PCLO: variants seen among roughly 807,000 people sequenced by gnomAD.
PCLO encodes the protein protein piccolo.
A neutral mutation model predicts 427.5 loss-of-function variants in PCLO; 82 were observed. The observed-to-expected ratio is 0.19, with a 90% CI of 0.16 to 0.23. The LOEUF (loss-of-function observed/expected upper bound fraction) is 0.23, where lower values mean the gene tolerates loss of function less well. PCLO is among the 10% of genes least tolerant of loss of function. The probability of loss-of-function intolerance (pLI) is 1.00; values close to 1 mark genes in which losing one functional copy is unlikely to be tolerated. For synonymous variants in PCLO, 2,357 were observed against 2,155.4 expected, an observed-to-expected ratio of 1.09 and a Z score of -2.59; for missense variants, 6,239 against 6,115.9, an observed-to-expected ratio of 1.02 and a Z score of -0.67.
chr7:83,114,804 T>C (rs1791091988), intron 3 of PCLO, among the ~76,000 whole-genome samples: 1 of 152,082 alleles, frequency 6.6e-6, no homozygotes, highest in Non-Finnish European at 1.5e-5. Flanking sequence ...TCCTGATAAG[T>C]GAGCAAGGTT....
intron 3 of PCLO, among the ~76,000 whole-genome samples, chr7:83,068,836 C>T (rs1789735992): frequency 6.6e-6 from 1 of 152,086 alleles, no homozygotes; most frequent in South Asian, 2.1e-4. Flanking sequence ...ATGTTCATTG[C>T]AGCATTATTC....
intron 3 of PCLO, among the ~76,000 whole-genome samples, chr7:83,027,434 T>A (rs967305542): frequency 5.9e-5 from 9 of 151,844 alleles, no homozygotes; most frequent in Non-Finnish European, 1.0e-4. Flanking sequence ...AATAGACCAA[T>A]AACAGGATCT....
rs1367619990 is a variant in PCLO at position 83,155,688 on chromosome 7, T to C, written c.953A>G (p.Gln318Arg). 6.2e-7 allele frequency: 1 copy of C among 1,614,002 alleles called. No individual in the cohort carries two copies. Among genetic ancestry groups the C allele is most frequent in the Non-Finnish European group, 8.5e-7 (1 of 1,179,884 alleles). The stretch of plus-strand genomic sequence containing the variant: ...AGGCTGTGATTTTTCATGTCCAGGC[T>C]GCTGTGCTGGAGGTTTTCCAGGAGT... The part of the protein sequence containing the change: ...QPTPGKPPAQ[Q>R]PGHEKSQPGP... The change falls in exon 2 of 25, where the codon CAG becomes CGG. Residue 318 changes from glutamine (Q) to arginine (R), a missense_variant. Transcript: ENST00000333891.
In PCLO at chr7:82,953,206, T is replaced by G; in HGVS notation, c.7747A>C (p.Ile2583Leu). 6.2e-7 allele frequency: 1 copy of G among 1,613,922 alleles called. No homozygotes were observed. Among genetic ancestry groups the G allele is most frequent in the Non-Finnish European group, 8.5e-7 (1 of 1,179,858 alleles). The change falls in exon 5 of 25, where the codon ATT becomes CTT. Residue 2583 changes from isoleucine (I) to leucine (L), a missense_variant. This residue lies in a region of PCLO where 4,677 missense variants were observed against 4,468.4 expected (regional missense o/e 1.05). Transcript: ENST00000333891. ...GTCCCTGGTTCAGATGGCAATGTAA[T>G]AACTACATAAGTTTCTGTGAGGGAT... ...SKSLTETYVV[I>L]TLPSEPGTPT...
intron 10 of PCLO, among the ~76,000 whole-genome samples, chr7:82,874,634 G>A (rs142650332): frequency 6.6e-6 from 1 of 152,166 alleles, no homozygotes; most frequent in African/African-American, 2.4e-5. Flanking sequence ...ACAGTCAAGA[G>A]AAAATACAGT....
rs961432073 is a variant in PCLO at position 82,984,753 on chromosome 7, T to C, written c.3301-18266A>G. ...TATAACACAGTCATGCCTCTATCCC[T>C]GGGAAAACTTGTCTTTTATTAAGGC... is the stretch of plus-strand genomic sequence containing the variant. On this transcript the variant is annotated intron_variant, in intron 3 of 24. Transcript: ENST00000333891. Among the ~76,000 whole-genome samples, 4 of 152,018 alleles carry C rather than the reference T, an allele frequency of 2.6e-5. No individual in the cohort carries two copies. In the Admixed American group the frequency reaches 2.6e-4, roughly 10 times the overall value.
intron 2 of PCLO, among the ~76,000 whole-genome samples, chr7:83,141,279 C>A (rs1453892969): frequency 6.6e-6 from 1 of 152,176 alleles, no homozygotes; most frequent in Non-Finnish European, 1.5e-5. Context: ...AGGGAAGAAT[C>A]CAACTGTCTT....
At chr7:82,959,397 A>G (rs1795605612) in intron 4 of PCLO, among the ~76,000 whole-genome samples, 1 of 152,202 alleles carries the variant, frequency 6.6e-6, no homozygotes, top group Non-Finnish European at 1.5e-5. Context: ...TACATATATT[A>G]AAATATGTAA....
At position 82,884,515 on chromosome 7, in the gene PCLO, T is replaced by C. The variant is rs180879261; in HGVS notation, c.13529-5053A>G. Among the ~76,000 whole-genome samples the C allele has an allele frequency of 6.7e-3, 1,026 of 152,332 alleles. 8 individuals carry two copies. The highest frequency in any genetic ancestry group is 9.5e-3 in the Non-Finnish European group (648 of 68,022). ...CATTCACAAATGCATTCTTCATTCA[T>C]GTAATGACATAAAGATTTTCTTTTT... On this transcript the variant is annotated intron_variant, in intron 9 of 24. Coordinates refer to ENST00000333891, the MANE Select transcript of PCLO (RefSeq NM_033026.6).
At chr7:82,843,545 A>AT (rs1363198995) in intron 13 of PCLO, among the ~76,000 whole-genome samples, 1 of 152,044 alleles carries the variant, frequency 6.6e-6, no homozygotes, top group Non-Finnish European at 1.5e-5. Context: ...TTTAAAAAAA[A>AT]TTTTTTTAAG....
intron 3 of PCLO, among the ~76,000 whole-genome samples, chr7:83,025,466 A>T (rs1788468360): frequency 1.3e-5 from 2 of 151,778 alleles, no homozygotes; most frequent in Admixed American, 1.3e-4. Context: ...AAAAGACCAA[A>T]TCTACATCTG....
At chr7:82,776,335 G>A (rs1358876108) in intron 22 of PCLO, among the ~76,000 whole-genome samples, 1 of 152,144 alleles carries the variant, frequency 6.6e-6, no homozygotes, top group Admixed American at 6.5e-5. Context: ...GCTCATGCTT[G>A]TAATCCCAGC....
chr7:82,803,250 A>G (rs923838802), intron 21 of PCLO, among the ~76,000 whole-genome samples: 3 of 152,074 alleles, frequency 2.0e-5, no homozygotes, highest in African/African-American at 7.2e-5. Context: ...GAACCAAAAC[A>G]TACCTTGTTG....
chr7:82,828,428 A>G (rs1039371076), intron 16 of PCLO, among the ~76,000 whole-genome samples: 2 of 152,188 alleles, frequency 1.3e-5, no homozygotes, highest in African/African-American at 4.8e-5. Flanking sequence ...CTCACATTCC[A>G]TAAACACTTG....
At chr7:82,992,673 T>C (rs955144545) in intron 3 of PCLO, among the ~76,000 whole-genome samples, 2 of 151,960 alleles carry the variant, frequency 1.3e-5, no homozygotes, top group South Asian at 2.1e-4. Flanking sequence ...GACGGGTTCA[T>C]AGGTGCAGCA....
chr7:82,827,757 C>T (rs1791981782), intron 17 of PCLO, 116 bp downstream of exon 17: 1 of 561,292 alleles, frequency 1.8e-6, no homozygotes, highest in Non-Finnish European at 3.1e-6. Flanking sequence ...ATGTATTTTA[C>T]TCAACTTTTT....
rs192146315 is a variant in PCLO, at chr7:82,836,584, A to C, written c.14223-891T>G. On this transcript the variant is annotated intron_variant, in intron 15 of 24. Transcript: ENST00000333891. ...TAAAACTAGAGCAACCATACCAACA[A>C]TTCCAAGTTTTTAAAATAAAATTAT... Among the ~76,000 whole-genome samples the C allele has an allele frequency of 1.6e-3, 238 of 152,298 alleles. 7 individuals carry two copies. Among genetic ancestry groups the C allele is most frequent in the Admixed American group, 0.015 (236 of 15,288 alleles).
chr7:83,089,028 G>A (rs1160894000), intron 3 of PCLO, among the ~76,000 whole-genome samples: 1 of 152,074 alleles, frequency 6.6e-6, no homozygotes, highest in Non-Finnish European at 1.5e-5. Context: ...CATACTTGGA[G>A]ACATAGTATG....
At position 83,038,045 on chromosome 7, in the gene PCLO, ATATATCTT is replaced by A. The variant is rs1257948969; in HGVS notation, c.3301-71566_3301-71559del. ...TATATATATATTTATATATTTATATATATATCTTTATATATATATTTATATATTTATAT... is the reference window on the plus strand; with the variant it reads ...TATATATATATTTATATATTTATATATATATATATATTTATATATTTATAT... On this transcript the variant is annotated intron_variant, in intron 3 of 24. Coordinates refer to ENST00000333891, the MANE Select transcript of PCLO (RefSeq NM_033026.6). Among the ~76,000 whole-genome samples the A allele has an allele frequency of 6.3e-4, 22 of 35,170 alleles. 1 individual carries two copies. The highest frequency in any genetic ancestry group is 1.0e-3 in the Admixed American group (2 of 1,938). 23.1% of individuals were successfully genotyped at this position (35,170 alleles called of 152,430 possible).
Sources: gnomAD v4.1 joint callset for allele counts (sites outside exome capture counted in the v4.1 genomes callset) on GRCh38, gnomAD v4.1.1 for gene constraint, gnomAD v4.1.1 regional missense constraint, MANE v1.5 for transcripts, NCBI Gene and HGNC (gene_info 2026-07-23, HGNC 2026-07-21) for gene names.